LDLRAD4: variants seen among roughly 807,000 people sequenced by gnomAD.
LDLRAD4 encodes low density lipoprotein receptor class A domain containing 4, also known as low-density lipoprotein receptor class A domain-containing protein 4.
In LDLRAD4, 5 loss-of-function variants were observed where a neutral mutation model predicts 17.0. The observed-to-expected ratio is 0.29, with a 90% CI of 0.15 to 0.62. The LOEUF (loss-of-function observed/expected upper bound fraction) is 0.62. Ranked by LOEUF, LDLRAD4 falls within the 20% of genes least tolerant of loss-of-function variation. The probability of loss-of-function intolerance (pLI) is 0.84; values close to 1 mark genes in which losing one functional copy is unlikely to be tolerated. For synonymous variants in LDLRAD4, 168 were observed against 171.8 expected, an observed-to-expected ratio of 0.98 and a Z score of 0.17; for missense variants, 340 against 424.7, an observed-to-expected ratio of 0.80 and a Z score of 1.75.
chr18:13,455,417 G>T (rs1311479691), intron 3 of LDLRAD4, among the ~76,000 whole-genome samples: 2 of 152,204 alleles, frequency 1.3e-5, no homozygotes, highest in Admixed American at 1.3e-4. Flanking sequence ...TCCTGGGTTT[G>T]ATGTGACATC....
intron 3 of LDLRAD4, among the ~76,000 whole-genome samples, chr18:13,534,301 T>C (rs560157195): frequency 6.6e-6 from 1 of 152,368 alleles, no homozygotes; most frequent in Non-Finnish European, 1.5e-5. Context: ...TTGGCCTTCT[T>C]GGAGATGCTC....
chr18:13,245,762 G>T (rs574807332), intron 1 of LDLRAD4, among the ~76,000 whole-genome samples: 1 of 152,360 alleles, frequency 6.6e-6, no homozygotes, highest in East Asian at 1.9e-4. Flanking sequence ...GCCTGCAGGT[G>T]AGGGGCAGGG....
chr18:13,621,280 C>G lies in LDLRAD4; in HGVS notation c.336+9C>G, dbSNP rs376095040. The G allele has an allele frequency of 1.9e-6, 3 of 1,606,222 alleles. No homozygotes were observed. The highest frequency in any genetic ancestry group is 2.6e-6 in the Non-Finnish European group (3 of 1,176,236). On this transcript the variant is annotated intron_variant, in intron 4 of 5. Coordinates refer to ENST00000359446, the Ensembl canonical transcript of LDLRAD4. This position sits in a 1 kb window ranked among gnomAD's most constrained non-coding sequence, Gnocchi z 5.5. ...AGGACGGGCTGCCGCAGGTGAGTAC[C>G]CTGGCCGCCCCGGCTCCAGAGTCAG... is the stretch of plus-strand genomic sequence containing the variant.
At chr18:13,475,977 C>T (rs2092929233) in intron 3 of LDLRAD4, among the ~76,000 whole-genome samples, 1 of 152,066 alleles carries the variant, frequency 6.6e-6, no homozygotes. Flanking sequence ...CTCATTGGAA[C>T]AGGGTGTTTG....
intron 3 of LDLRAD4, among the ~76,000 whole-genome samples, chr18:13,484,639 C>T (rs767436702): frequency 2.2e-4 from 34 of 152,056 alleles, no homozygotes; most frequent in Non-Finnish European, 1.9e-4. Context: ...ACAAGACCAA[C>T]GAATCACTTT....
chr18:13,319,278 C>T (rs980064813), intron 1 of LDLRAD4, among the ~76,000 whole-genome samples: 3 of 152,186 alleles, frequency 2.0e-5, no homozygotes, highest in Non-Finnish European at 4.4e-5. Context: ...GGGTATGATT[C>T]GTCCCAGTTC....
chr18:13,529,679 GAAAAT>G (rs1172343322), intron 3 of LDLRAD4, among the ~76,000 whole-genome samples: 1 of 152,136 alleles, frequency 6.6e-6, no homozygotes, highest in Non-Finnish European at 1.5e-5. Context: ...ACACTGAAAA[GAAAAT>G]ATAACTTTTG....
At chr18:13,258,858 C>T (rs1011172137) in intron 1 of LDLRAD4, among the ~76,000 whole-genome samples, 1 of 152,186 alleles carries the variant, frequency 6.6e-6, no homozygotes, top group African/African-American at 2.4e-5. Flanking sequence ...AAAAACTAGC[C>T]TTTTACCTCT....
chr18:13,290,017 G>C (rs980845583), intron 1 of LDLRAD4, among the ~76,000 whole-genome samples: 3 of 152,200 alleles, frequency 2.0e-5, no homozygotes, highest in Admixed American at 1.3e-4. Flanking sequence ...TACTGTGTGG[G>C]CAGACGTGGT....
At chr18:13,604,372 C>T (rs560761243) in intron 3 of LDLRAD4, among the ~76,000 whole-genome samples, 11 of 152,286 alleles carry the variant, frequency 7.2e-5, no homozygotes, top group South Asian at 4.1e-4. Context: ...CCCAGGGGTG[C>T]GGTCACTTGG....
chr18:13,305,759 T>C (rs2046875002), intron 1 of LDLRAD4, among the ~76,000 whole-genome samples: 1 of 152,216 alleles, frequency 6.6e-6, no homozygotes, highest in African/African-American at 2.4e-5. Context: ...AAAGGAAATT[T>C]GTGAAGCCGT....
chr18:13,257,614 A>ATC (rs1239581313), intron 1 of LDLRAD4, among the ~76,000 whole-genome samples: 1 of 152,114 alleles, frequency 6.6e-6, no homozygotes, highest in Admixed American at 6.5e-5. Flanking sequence ...CATATAGGGG[A>ATC]TGATTTTATA....
chr18:13,650,278 A>G, exon 6 of LDLRAD4: 4 of 406,152 alleles, frequency 9.8e-6, no homozygotes, highest in Non-Finnish European at 1.3e-5. Flanking sequence ...TGCTTCTCGA[A>G]CTGGATGCAT....
intron 3 of LDLRAD4, chr18:13,615,245 A>G (rs1568409675): frequency 6.6e-6 from 1 of 152,242 alleles, no homozygotes; most frequent in Non-Finnish European, 1.5e-5. Context: ...GCCTGGGGAA[A>G]GAGAGGAACG....
chr18:13,377,546 G>C (rs2085013166), intron 1 of LDLRAD4, among the ~76,000 whole-genome samples: 2 of 152,218 alleles, frequency 1.3e-5, no homozygotes, highest in African/African-American at 2.4e-5. Flanking sequence ...GGGAGAAATA[G>C]CAGAGTGGTT....
intron 3 of LDLRAD4, among the ~76,000 whole-genome samples, chr18:13,619,745 C>T (rs577324629): frequency 1.3e-3 from 197 of 152,242 alleles, no homozygotes; most frequent in African/African-American, 4.4e-3. Flanking sequence ...AGGGCATGGC[C>T]TCTGAGCCTC....
chr18:13,454,785 G>T (rs2092036748), intron 3 of LDLRAD4, among the ~76,000 whole-genome samples: 1 of 152,142 alleles, frequency 6.6e-6, no homozygotes, highest in African/African-American at 2.4e-5. Flanking sequence ...CTGTGTTGCT[G>T]TGACAGTCCC....
At chr18:13,441,697 CA>C (rs2091032348) in intron 3 of LDLRAD4, among the ~76,000 whole-genome samples, 1 of 152,188 alleles carries the variant, frequency 6.6e-6, no homozygotes, top group African/African-American at 2.4e-5. Flanking sequence ...TTAAAGTTAA[CA>C]AGAAAATGTT....
intron 3 of LDLRAD4, among the ~76,000 whole-genome samples, chr18:13,534,772 A>G (rs1413016013): frequency 6.6e-6 from 1 of 152,210 alleles, no homozygotes. Flanking sequence ...TGCATAATCT[A>G]CACCACAGTC....
Sources: gnomAD v4.1 joint callset for allele counts (sites outside exome capture counted in the v4.1 genomes callset) on GRCh38, gnomAD v4.1.1 for gene constraint, Gnocchi (gnomAD v3.1) non-coding constraint, MANE v1.5 for transcripts, NCBI Gene and HGNC (gene_info 2026-07-23, HGNC 2026-07-21) for gene names.